The following ZNF385D variants were observed in gnomAD, a reference collection of about 807,000 sequenced individuals.
ZNF385D encodes zinc finger protein 385D.
In ZNF385D, 15 loss-of-function variants were observed where a neutral mutation model predicts 35.8. That is an observed-to-expected ratio of 0.42 (90% CI 0.28 to 0.64). The LOEUF (loss-of-function observed/expected upper bound fraction) is 0.64. ZNF385D is among the 30% of genes least tolerant of loss of function. The pLI is 0.23. For synonymous variants in ZNF385D, 212 were observed against 186.8 expected, an observed-to-expected ratio of 1.13 and a Z score of -1.10; for missense variants, 474 against 494.6, an observed-to-expected ratio of 0.96 and a Z score of 0.39.
intron 2 of ZNF385D, among the ~76,000 whole-genome samples, chr3:21,645,358 G>A (rs1396007123): frequency 1.3e-5 from 2 of 152,120 alleles, no homozygotes; most frequent in African/African-American, 2.4e-5. Flanking sequence ...AGATGCCTGG[G>A]AAGTCAGAAG....
chr3:22,271,477 G>T (rs1024954927), intron 2 of ZNF385D, among the ~76,000 whole-genome samples: 1 of 151,682 alleles, frequency 6.6e-6, no homozygotes, highest in Non-Finnish European at 1.5e-5. Context: ...AAAAAAAATA[G>T]ATTTCCCTTG....
At chr3:22,001,805 T>A (rs1280309227) in intron 3 of ZNF385D, among the ~76,000 whole-genome samples, 1 of 151,956 alleles carries the variant, frequency 6.6e-6, no homozygotes, top group East Asian at 1.9e-4. Context: ...AAAGGCCACC[T>A]GAAAACTATA....
At chr3:21,481,283 C>A (rs1017837555) in intron 4 of ZNF385D, among the ~76,000 whole-genome samples, 4 of 152,150 alleles carry the variant, frequency 2.6e-5, no homozygotes, top group Admixed American at 1.3e-4. Context: ...AAGTCCAATT[C>A]TTAATACATA....
chr3:21,737,270 A>G (rs2069289203), intron 1 of ZNF385D, among the ~76,000 whole-genome samples: 2 of 152,246 alleles, frequency 1.3e-5, no homozygotes, highest in African/African-American at 4.8e-5. Context: ...ATTATTATGC[A>G]CTATGATAGT....
chr3:22,020,964 T>C (rs1022053278), intron 3 of ZNF385D, among the ~76,000 whole-genome samples: 2 of 151,976 alleles, frequency 1.3e-5, no homozygotes, highest in Non-Finnish European at 2.9e-5. Context: ...TGAAATTATG[T>C]CTTTTGCAGC....
At chr3:21,697,999 G>T (rs951489035) in intron 1 of ZNF385D, among the ~76,000 whole-genome samples, 5 of 152,152 alleles carry the variant, frequency 3.3e-5, no homozygotes, top group Non-Finnish European at 7.4e-5. Context: ...CTGTTGGTGG[G>T]AATGTAAATT....
chr3:21,727,986 G>C (rs1311552202), intron 1 of ZNF385D, among the ~76,000 whole-genome samples: 2 of 152,062 alleles, frequency 1.3e-5, no homozygotes, highest in African/African-American at 4.8e-5. Context: ...GTCCTTTGCA[G>C]GGACATGGAT....
At chr3:21,826,656 C>G (rs551613583) in intron 3 of ZNF385D, among the ~76,000 whole-genome samples, 19 of 152,104 alleles carry the variant, frequency 1.2e-4, no homozygotes, top group Admixed American at 3.3e-4. Flanking sequence ...AGCAGGCACT[C>G]TAAGGGTGGT....
chr3:22,269,240 T>A (rs1269298926), intron 2 of ZNF385D, among the ~76,000 whole-genome samples: 2 of 151,862 alleles, frequency 1.3e-5, no homozygotes, highest in African/African-American at 4.8e-5. Flanking sequence ...AAATGTAAAA[T>A]GAATGAGAGA....
At chr3:21,463,040 AT>A (rs1177630565) in intron 4 of ZNF385D, among the ~76,000 whole-genome samples, 1 of 152,202 alleles carries the variant, frequency 6.6e-6, no homozygotes, top group Non-Finnish European at 1.5e-5. Flanking sequence ...ACCAAAAAAA[AT>A]AAAAACTTTA....
intron 3 of ZNF385D, among the ~76,000 whole-genome samples, chr3:22,046,581 G>A (rs1405925624): frequency 6.6e-6 from 1 of 152,030 alleles, no homozygotes; most frequent in Non-Finnish European, 1.5e-5. Context: ...TATTAATGAA[G>A]CATCATTTTT....
chr3:22,066,114 T>G (rs909443233), intron 3 of ZNF385D, among the ~76,000 whole-genome samples: 3 of 145,528 alleles, frequency 2.1e-5, no homozygotes, highest in South Asian at 2.3e-4. Context: ...CCGAGAAGAG[T>G]TGAAAGATGT....
upstream of ZNF385D, among the ~76,000 whole-genome samples, chr3:21,752,799 A>C (rs2070165443): frequency 6.6e-6 from 1 of 152,098 alleles, no homozygotes; most frequent in Non-Finnish European, 1.5e-5. Flanking sequence ...ATGTTACGGG[A>C]AAGTATTGAA....
chr3:22,198,442 C>T (rs1215847611), intron 2 of ZNF385D, among the ~76,000 whole-genome samples: 2 of 151,976 alleles, frequency 1.3e-5, no homozygotes, highest in Non-Finnish European at 2.9e-5. Context: ...GTCTTTTACA[C>T]ATGGGAAATA....
chr3:22,328,019 C>T (rs1241000330), intron 2 of ZNF385D, among the ~76,000 whole-genome samples: 2 of 152,062 alleles, frequency 1.3e-5, no homozygotes, highest in Non-Finnish European at 2.9e-5. Context: ...TTTTCTATTC[C>T]TTTATTTTCT....
intron 2 of ZNF385D, among the ~76,000 whole-genome samples, chr3:22,337,078 A>T (rs1695204571): frequency 6.6e-6 from 1 of 152,016 alleles, no homozygotes; most frequent in Non-Finnish European, 1.5e-5. Context: ...GTCAATAAAA[A>T]TTATATATTT....
chr3:22,036,798 G>A (rs1698353083), intron 3 of ZNF385D, among the ~76,000 whole-genome samples: 1 of 150,028 alleles, frequency 6.7e-6, no homozygotes. Context: ...TGCCATGTTG[G>A]TGTGCTGTAC....
intron 2 of ZNF385D, among the ~76,000 whole-genome samples, chr3:21,621,886 T>TGTGG (rs1390508572): frequency 9.3e-4 from 141 of 152,158 alleles, no homozygotes; most frequent in African/African-American, 2.3e-3. Flanking sequence ...TGTGTGTGTG[T>TGTGG]GTGTGTGTGC....
At chr3:21,696,474 T>C (rs2067474646) in intron 1 of ZNF385D, among the ~76,000 whole-genome samples, 1 of 152,210 alleles carries the variant, frequency 6.6e-6, no homozygotes, top group African/African-American at 2.4e-5. Flanking sequence ...ACATAATCAT[T>C]ATATACAGTC....
Sources: gnomAD v4.1 joint callset for allele counts (sites outside exome capture counted in the v4.1 genomes callset) on GRCh38, gnomAD v4.1.1 for gene constraint, MANE v1.5 for transcripts, NCBI Gene and HGNC (gene_info 2026-07-23, HGNC 2026-07-21) for gene names.